The following DOCK9 variants were observed in gnomAD, a reference collection of about 807,000 sequenced individuals.
The protein encoded by DOCK9 is dedicator of cytokinesis protein 9.
DOCK9 carries 89 observed loss-of-function variants against 263.3 expected under a neutral mutation model. The ratio of observed to expected loss-of-function variants is 0.34; its 90% CI spans 0.28 to 0.40. The LOEUF is 0.40. Ranked by LOEUF, DOCK9 falls within the 10% of genes least tolerant of loss-of-function variation. The pLI is 1.00. For synonymous variants in DOCK9, 976 were observed against 973.1 expected (o/e 1.00, Z -0.06); for missense variants, 2,140 against 2,603.4 (o/e 0.82, Z 3.87).
intron 50 of DOCK9, among the ~76,000 whole-genome samples, chr13:98,797,898 G>A (rs2089629311): frequency 6.6e-6 from 1 of 152,210 alleles, no homozygotes; most frequent in Non-Finnish European, 1.5e-5. Context: ...CCAATCTGGT[G>A]AATTCAGTGA....
At chr13:99,053,124 T>C (rs2040776769) in intron 1 of DOCK9, among the ~76,000 whole-genome samples, 1 of 152,180 alleles carries the variant, frequency 6.6e-6, no homozygotes, top group Admixed American at 6.5e-5. Context: ...AGATTACCAC[T>C]AACATCACTC....
At chr13:99,049,042 A>G (rs1393988463) in intron 1 of DOCK9, among the ~76,000 whole-genome samples, 2 of 152,228 alleles carry the variant, frequency 1.3e-5, no homozygotes, top group Admixed American at 1.3e-4. Flanking sequence ...AAAGAAAATG[A>G]ATAGTTAAAA....
intron 30 of DOCK9, among the ~76,000 whole-genome samples, chr13:98,866,493 C>T (rs2094028483): frequency 6.6e-6 from 1 of 152,170 alleles, no homozygotes; most frequent in African/African-American, 2.4e-5. Context: ...TGGTGGCATC[C>T]TTCCACTTTT....
At chr13:99,028,764 A>C (rs572231355) in intron 1 of DOCK9, among the ~76,000 whole-genome samples, 11 of 152,182 alleles carry the variant, frequency 7.2e-5, no homozygotes, top group Non-Finnish European at 1.3e-4. Flanking sequence ...ACTTTGTGAC[A>C]CTGCATTTTA....
intron 1 of DOCK9, among the ~76,000 whole-genome samples, chr13:99,082,376 G>A (rs1454187605): frequency 2.6e-5 from 4 of 151,742 alleles, no homozygotes; most frequent in Non-Finnish European, 4.4e-5. Context: ...AAAATTAGCC[G>A]GGTGTGGTGG....
At chr13:99,034,711 C>T (rs909181610) in intron 1 of DOCK9, among the ~76,000 whole-genome samples, 1 of 152,142 alleles carries the variant, frequency 6.6e-6, no homozygotes, top group Admixed American at 6.5e-5. Flanking sequence ...ATCTGTTTTC[C>T]TTAATCTTCA....
chr13:98,802,757 C>A lies in DOCK9; in HGVS notation c.5725+2242G>T, dbSNP rs1338334837. 4.6e-5 allele frequency among the ~76,000 whole-genome samples: 7 copies of A among 152,218 alleles called. No individual in the cohort carries two copies. The East Asian group carries it at 1.4e-3, about 29-fold the overall frequency. On this transcript the variant is annotated intron_variant, in intron 49 of 52. Transcript: ENST00000682017. ...TTCCTGGTGTAGAGGGCAGGGAAGG[C>A]CTGGGCTCCCTTTGACCTTTGGAAG...
chr13:98,990,089 A>G (rs1340298727), intron 1 of DOCK9, among the ~76,000 whole-genome samples: 3 of 152,214 alleles, frequency 2.0e-5, no homozygotes, highest in South Asian at 2.1e-4. Context: ...CCTCAGTTAC[A>G]AGCTCTTGAA....
intron 2 of DOCK9, chr13:98,950,207 G>A: frequency 9.8e-7 from 1 of 1,022,460 alleles, no homozygotes. Flanking sequence ...TGTTTATCTG[G>A]CAATTCCAAG....
At chr13:98,883,291 TG>T (rs2045143079) in intron 22 of DOCK9, among the ~76,000 whole-genome samples, 160 bp from the exon 23 acceptor site, 1 of 152,124 alleles carries the variant, frequency 6.6e-6, no homozygotes, top group Non-Finnish European at 1.5e-5. Context: ...TCTGTCGCCC[TG>T]GCTGGGGTGC....
chr13:98,872,904 G>A (rs183311797), intron 27 of DOCK9, among the ~76,000 whole-genome samples: 3 of 152,278 alleles, frequency 2.0e-5, no homozygotes, highest in South Asian at 4.2e-4. Context: ...TTGTACCAAG[G>A]CCACCCGTGC....
chr13:98,830,296 C>G (rs2092708496), intron 41 of DOCK9, among the ~76,000 whole-genome samples: 1 of 152,274 alleles, frequency 6.6e-6, no homozygotes, highest in South Asian at 2.1e-4. Context: ...CTTCACCACA[C>G]CCAGTTACAA....
intron 1 of DOCK9, among the ~76,000 whole-genome samples, chr13:99,047,321 G>GT (rs1158823975): frequency 6.6e-6 from 1 of 152,166 alleles, no homozygotes; most frequent in Non-Finnish European, 1.5e-5. Flanking sequence ...AGGCTGAGGA[G>GT]TATCAGCTGC....
At chr13:98,880,787 G>A (rs768117420) in intron 25 of DOCK9, 115 bp from the exon 26 acceptor site, 34 of 1,364,212 alleles carry the variant, frequency 2.5e-5, no homozygotes, top group Non-Finnish European at 3.3e-5. Flanking sequence ...ATTTGTGGGA[G>A]AGGAAGGTGT....
intron 1 of DOCK9, among the ~76,000 whole-genome samples, chr13:98,974,220 C>A (rs1287627493): frequency 6.6e-6 from 1 of 152,100 alleles, no homozygotes; most frequent in Admixed American, 6.5e-5. Context: ...GGGAAACTAA[C>A]ATGCAGACAT....
At position 99,071,307 on chromosome 13, in the gene DOCK9, T is replaced by C. The variant is rs200910298; in HGVS notation, c.129+14916A>G. 4.4e-3 allele frequency among the ~76,000 whole-genome samples: 193 copies of C among 43,468 alleles called. 4 individuals carry two copies. In the East Asian group the frequency reaches 0.059, roughly 13 times the overall value. 28.5% of individuals were successfully genotyped at this position (43,468 alleles called of 152,430 possible). A position where few individuals can be genotyped will look rare whatever the true frequency, so the allele number is the denominator to read the frequency against. On this transcript the variant is annotated intron_variant, in intron 1 of 32. Coordinates refer to the DOCK9 transcript ENST00000427887. The stretch of plus-strand genomic sequence containing the variant: ...ACAGGTGCTTGCCACCATGCCTGGC[T>C]TTTTTTTTTTTTTTTTTTTTTTTTT...
At chr13:99,084,626 A>T (rs2042258034) in intron 1 of DOCK9, among the ~76,000 whole-genome samples, 1 of 152,246 alleles carries the variant, frequency 6.6e-6, no homozygotes. Flanking sequence ...GCACATCAGC[A>T]GTGTTGTGTC....
intron 1 of DOCK9, among the ~76,000 whole-genome samples, chr13:99,083,864 T>C (rs1334731265): frequency 6.6e-6 from 1 of 152,202 alleles, no homozygotes; most frequent in Non-Finnish European, 1.5e-5. Flanking sequence ...TGGGAAGAGC[T>C]ACTAAACCCA....
intron 41 of DOCK9, among the ~76,000 whole-genome samples, chr13:98,830,873 C>T (rs546336960): frequency 6.6e-6 from 1 of 152,272 alleles, no homozygotes; most frequent in South Asian, 2.1e-4. Context: ...GGGACACCTA[C>T]CATGTGTTTG....
Sources: allele counts gnomAD v4.1 joint callset (sites outside exome capture counted in the v4.1 genomes callset), GRCh38; gene constraint gnomAD v4.1.1; transcripts MANE v1.5; gene names NCBI Gene and HGNC (gene_info 2026-07-23, HGNC 2026-07-21).